Variants in NFIB observed in about 807,000 individuals in gnomAD.
NFIB encodes the protein nuclear factor I B, also known as nuclear factor 1 B-type.
Under a neutral mutation model 61.5 loss-of-function variants are expected in NFIB, and 11 were observed. The ratio of observed to expected loss-of-function variants is 0.18; its 90% CI spans 0.11 to 0.30. NFIB has a LOEUF of 0.30. Among genes scored for constraint, NFIB ranks in the 10% least tolerant of loss-of-function variants. NFIB has a pLI of 1.00. For missense variants in NFIB, 471 were observed against 608.9 expected (o/e 0.77, Z 2.38); for synonymous variants, 260 against 216.5 (o/e 1.20, Z -1.76).
intron 1 of NFIB, among the ~76,000 whole-genome samples, chr9:14,329,600 C>T (rs768877035): frequency 6.6e-6 from 1 of 152,030 alleles, no homozygotes; most frequent in Non-Finnish European, 1.5e-5. Context: ...CTGCAACCTC[C>T]ACCTCCCAGG....
chr9:14,167,942 T>G (rs180808477), intron 3 of NFIB, among the ~76,000 whole-genome samples: 101 of 152,342 alleles, frequency 6.6e-4, no homozygotes, highest in Non-Finnish European at 9.7e-4. Flanking sequence ...AGATTAGTAT[T>G]CTGAATCAGC....
chr9:14,313,609 A>G lies in NFIB; in HGVS notation c.-98T>C. The G allele has an allele frequency of 1.9e-6, 3 of 1,603,738 alleles. No homozygotes were observed. In the South Asian group the frequency reaches 3.3e-5, roughly 18 times the overall value. On this transcript the variant is annotated 5_prime_UTR_variant, in exon 1 of 11. Coordinates refer to ENST00000380953, the MANE Select transcript of NFIB (RefSeq NM_001190737.2). This position sits in a 1 kb window ranked among gnomAD's most constrained non-coding sequence, Gnocchi z 4.5. ...ATTTTACAGTCATCTGAGCCCCGCG[A>G]TGCGATCAATCAGGACGGGGCTCTG...
chr9:14,271,913 G>T (rs183418878), intron 2 of NFIB, among the ~76,000 whole-genome samples: 28 of 152,210 alleles, frequency 1.8e-4, no homozygotes, highest in African/African-American at 5.5e-4. Flanking sequence ...AGGTACAAAA[G>T]AATATTTTAA....
chr9:14,463,327 G>A, the NFIB span, among the ~76,000 whole-genome samples: 1 of 151,884 alleles, frequency 6.6e-6, no homozygotes. Context: ...TTGGATAAAT[G>A]GAGAGCTATA....
chr9:14,460,555 G>A, the NFIB span, among the ~76,000 whole-genome samples: 1 of 151,750 alleles, frequency 6.6e-6, no homozygotes, highest in Admixed American at 6.6e-5. Context: ...CAGATAGTTA[G>A]ATCTTACTTG....
the NFIB span, among the ~76,000 whole-genome samples, chr9:14,510,355 G>A: frequency 3.3e-5 from 5 of 152,128 alleles, no homozygotes; most frequent in Non-Finnish European, 7.4e-5. Flanking sequence ...AGCTTAAGAA[G>A]GTACCCAATG....
At chr9:14,490,472 T>C in the NFIB span, among the ~76,000 whole-genome samples, 1 of 152,190 alleles carries the variant, frequency 6.6e-6, no homozygotes, top group African/African-American at 2.4e-5. Flanking sequence ...CATTTGATTA[T>C]GTTAAACAGC....
intron 2 of NFIB, among the ~76,000 whole-genome samples, chr9:14,224,943 T>G (rs2052179788): frequency 6.6e-6 from 1 of 152,188 alleles, no homozygotes; most frequent in Admixed American, 6.5e-5. Context: ...GCACATGACA[T>G]TTACTTTCTT....
chr9:14,229,544 T>C (rs117484771), intron 2 of NFIB, among the ~76,000 whole-genome samples: 2 of 152,192 alleles, frequency 1.3e-5, no homozygotes, highest in Admixed American at 6.5e-5. Context: ...AAATAATGTA[T>C]GTAAAGTTTG....
intron 1 of NFIB, among the ~76,000 whole-genome samples, chr9:14,308,735 G>C (rs761173664): frequency 3.3e-5 from 5 of 152,192 alleles, no homozygotes; most frequent in African/African-American, 1.2e-4. Flanking sequence ...AGATTATAGA[G>C]TACCAATCTT....
At chr9:14,278,867 T>TTC (rs987781151) in intron 2 of NFIB, among the ~76,000 whole-genome samples, 4 of 152,090 alleles carry the variant, frequency 2.6e-5, no homozygotes, top group African/African-American at 9.7e-5. Flanking sequence ...ACTACAGGCA[T>TTC]ACTGAGGGGA....
chr9:14,415,668 G>C, the NFIB span, among the ~76,000 whole-genome samples: 10 of 152,302 alleles, frequency 6.6e-5, no homozygotes, highest in African/African-American at 2.2e-4. Flanking sequence ...GAAGATGAAG[G>C]GAAGTAGAAA....
the NFIB span, among the ~76,000 whole-genome samples, chr9:14,417,337 C>CTA: frequency 6.6e-6 from 1 of 152,186 alleles, no homozygotes; most frequent in Admixed American, 6.5e-5. Flanking sequence ...GAGCAACAGG[C>CTA]TATACCACAG....
chr9:14,353,022 G>A (rs929115219), intron 1 of NFIB, among the ~76,000 whole-genome samples: 1 of 152,146 alleles, frequency 6.6e-6, no homozygotes, highest in African/African-American at 2.4e-5. Context: ...ATTTCTTTCT[G>A]CTGGAGGGCA....
intron 1 of NFIB, among the ~76,000 whole-genome samples, chr9:14,391,342 A>ACC (rs766526187): frequency 2.8e-5 from 4 of 145,310 alleles, no homozygotes; most frequent in Admixed American, 2.0e-4. Flanking sequence ...CCCCCCCCCC[A>ACC]CCCCCCGCCC....
chr9:14,271,443 C>T (rs998900013), intron 2 of NFIB, among the ~76,000 whole-genome samples: 7 of 152,044 alleles, frequency 4.6e-5, no homozygotes, highest in African/African-American at 1.7e-4. Context: ...GGCTAATAAC[C>T]CCCACCTGCT....
At chr9:14,270,920 A>C (rs2057561734) in intron 2 of NFIB, among the ~76,000 whole-genome samples, 1 of 152,106 alleles carries the variant, frequency 6.6e-6, no homozygotes, top group Admixed American at 6.6e-5. Flanking sequence ...AGGCCCTTCA[A>C]AAATTGCACA....
At chr9:14,187,096 GTCTC>G (rs1479882382) in intron 2 of NFIB, among the ~76,000 whole-genome samples, 1 of 147,404 alleles carries the variant, frequency 6.8e-6, no homozygotes, top group East Asian at 2.1e-4. Flanking sequence ...TTTATCTCCT[GTCTC>G]TCTCTGCTTC....
rs923539964 is a variant in NFIB at position 14,085,357 on chromosome 9, GT to G, written c.*2951del. The G allele has an allele frequency of 2.1e-4, 47 of 224,836 alleles. No homozygotes were observed. The highest frequency in any genetic ancestry group is 9.8e-4 in the African/African-American group (44 of 44,942). The allele number at this position is 224,836 out of a possible 1,614,324, so 13.9% of individuals were successfully genotyped here. On this transcript the variant is annotated 3_prime_UTR_variant, in exon 11 of 11. Transcript: ENST00000380953. ...CCAATTCTGAAAGATTTTCCTTCTA[GT>G]AATGAATACACTCAATGGGACTGGG...
Sources: allele counts gnomAD v4.1 joint callset (sites outside exome capture counted in the v4.1 genomes callset), GRCh38; gene constraint gnomAD v4.1.1; non-coding constraint Gnocchi (gnomAD v3.1); transcripts MANE v1.5; gene names NCBI Gene and HGNC (gene_info 2026-07-23, HGNC 2026-07-21).